Variants in CENATAC observed in about 807,000 individuals in gnomAD.
The protein encoded by CENATAC is coiled-coil domain containing 84.
A neutral mutation model predicts 53.7 loss-of-function variants in CENATAC; 53 were observed. The observed-to-expected ratio is 0.99, with a 90% CI of 0.79 to 1.24. The LOEUF (loss-of-function observed/expected upper bound fraction) is 1.24, where lower values mean the gene tolerates loss of function less well. CENATAC is among the 50% of genes most tolerant of loss of function. The pLI is 0.00. For synonymous variants in CENATAC, 156 were observed against 144.6 expected (o/e 1.08, Z -0.57); for missense variants, 474 against 417.8 (o/e 1.13, Z -1.17).
rs1942687904 is a variant in CENATAC at position 119,008,056 on chromosome 11, CTG to C, written c.384-2706_384-2705del. Among the ~76,000 whole-genome samples, 5 of 150,678 alleles carry C rather than the reference CTG, an allele frequency of 3.3e-5. No homozygotes were observed. The Admixed American group carries it at 3.3e-4, about 10-fold the overall frequency. On this transcript the variant is annotated intron_variant, in intron 3 of 10. Coordinates refer to ENST00000334418, the MANE Select transcript of CENATAC (RefSeq NM_198489.3). Reference sequence around the variant, plus strand: ...CTGTTGCTGGGGAATCAAATCTAGACTGTAGTAGCTAAGTGGCTTTTTTGTTG... The same window carrying C: ...CTGTTGCTGGGGAATCAAATCTAGACTAGTAGCTAAGTGGCTTTTTTGTTG...
At chr11:119,012,061 C>G (rs1468716597) in intron 6 of CENATAC, 58 bp downstream of exon 6, 1 of 1,613,654 alleles carries the variant, frequency 6.2e-7, no homozygotes, top group Non-Finnish European at 8.5e-7. Context: ...ATTCTGCAAC[C>G]TTTTGCCTGG....
intron 8 of CENATAC, 170 bp from the exon 9 acceptor site, chr11:119,014,824 G>T: frequency 2.0e-6 from 1 of 505,278 alleles, no homozygotes; most frequent in South Asian, 3.2e-5. Flanking sequence ...TCACATATGG[G>T]GTATGTCGCT....
rs782438626 is a variant in CENATAC, at chr11:119,011,203, G to C, written c.451-18G>C. On this transcript the variant is annotated intron_variant, in intron 4 of 10. Coordinates refer to ENST00000334418, the MANE Select transcript of CENATAC (RefSeq NM_198489.3). Reference sequence around the variant, plus strand: ...CCCCCATGATCCTGTACCTGTCTAAGCAGCCTCTCTCCCACAGATGGCAGC... The same window carrying C: ...CCCCCATGATCCTGTACCTGTCTAACCAGCCTCTCTCCCACAGATGGCAGC... The C allele has an allele frequency of 6.2e-7, 1 of 1,611,938 alleles. No individual in the cohort carries two copies. The highest frequency in any genetic ancestry group is 8.5e-7 in the Non-Finnish European group (1 of 1,178,276).
At chr11:118,998,838 A>C (rs1026040926) in intron 2 of CENATAC, among the ~76,000 whole-genome samples, 173 bp from the exon 3 acceptor site, 3 of 152,206 alleles carry the variant, frequency 2.0e-5, no homozygotes, top group African/African-American at 7.2e-5. Context: ...AGATTCTCAC[A>C]ATTTTATGGG....
intron 3 of CENATAC, 28 bp from the exon 4 acceptor site, chr11:119,010,736 T>C (rs2134561422): frequency 4.4e-6 from 7 of 1,608,906 alleles, no homozygotes; most frequent in Non-Finnish European, 6.0e-6. Context: ...GAATGGGTTC[T>C]GGGTGGTTTT....
At chr11:118,998,829 G>C (rs11822103) in intron 2 of CENATAC, among the ~76,000 whole-genome samples, 182 bp from the exon 3 acceptor site, 4 of 151,938 alleles carry the variant, frequency 2.6e-5, no homozygotes, top group Non-Finnish European at 5.9e-5. Context: ...CCTCCCCTCA[G>C]ATTCTCACAA....
Position 118,998,252 on chromosome 11 carries a change from G to A in CENATAC, c.55G>A (p.Gly19Arg). Residue 19 changes from glycine (G) to arginine (R), a missense_variant, in exon 1 of 11, where the codon GGG (glycine) becomes AGG (arginine). By Grantham distance (125) the Gly-to-Arg change is moderately radical (BLOSUM62 -2). Coordinates refer to ENST00000334418, the MANE Select transcript of CENATAC (RefSeq NM_198489.3). ...LCRQTFFCGR[G>R]HVYSRKHQRQ... ...CCGCCAGACCTTCTTCTGTGGTCGC[G>A]GGCACGTTTACAGCCGCAAGCACCA... 1.9e-6 allele frequency: 3 copies of A among 1,589,274 alleles called. No homozygotes were observed. Among genetic ancestry groups the A allele is most frequent in the South Asian group, 1.1e-5 (1 of 87,752 alleles).
intron 8 of CENATAC, chr11:119,014,323 CCTGTAATCCCGA>C (rs1399851648): frequency 9.8e-5 from 15 of 152,330 alleles, no homozygotes; most frequent in Admixed American, 4.6e-4. Context: ...GTGGCTCATG[CCTGTAATCCCGA>C]CACTTTGGGA....
rs118061368 is a variant in CENATAC at position 119,001,422 on chromosome 11, T to G, written c.383+2313T>G. On this transcript the variant is annotated intron_variant, in intron 3 of 10. Transcript: ENST00000334418. ...CTTTTTTTTTTTGGAGAGGGAGTTT[T>G]GCTTTGTCACCCAGGGTGGAGTACA... Among the ~76,000 whole-genome samples the G allele has an allele frequency of 6.0e-3, 916 of 152,226 alleles. 9 individuals are homozygous for G. Among genetic ancestry groups the G allele is most frequent in the East Asian group, 0.025 (131 of 5,184 alleles).
At chr11:119,014,948 C>A (rs371810810) in intron 8 of CENATAC, 46 bp from the exon 9 acceptor site, 10 of 1,263,786 alleles carry the variant, frequency 7.9e-6, no homozygotes, top group African/African-American at 3.4e-5. Context: ...TTCACAATAG[C>A]CTGAAGACTT....
At chr11:119,012,424 G>A (rs782629416) in intron 7 of CENATAC, 170 bp downstream of exon 7, 21 of 673,502 alleles carry the variant, frequency 3.1e-5, no homozygotes, top group Non-Finnish European at 4.1e-5. Context: ...CCTCCAAAGC[G>A]ATCCTATTCA....
intron 3 of CENATAC, among the ~76,000 whole-genome samples, chr11:119,006,517 A>G (rs980582139): frequency 8.7e-5 from 13 of 150,040 alleles, no homozygotes; most frequent in East Asian, 7.9e-4. Context: ...TTACAGGCGT[A>G]AGCCACCATG....
intron 5 of CENATAC, among the ~76,000 whole-genome samples, chr11:119,011,660 T>G (rs1942879002): frequency 6.6e-6 from 1 of 152,180 alleles, no homozygotes; most frequent in South Asian, 2.1e-4. Flanking sequence ...CATGAGCCAC[T>G]GTGCCCGGCC....
intron 3 of CENATAC, chr11:119,003,479 G>A (rs566765486): frequency 2.0e-5 from 9 of 441,524 alleles, no homozygotes; most frequent in East Asian, 5.4e-5. Flanking sequence ...TGTATTTTTC[G>A]TAGAGATAGG....
chr11:119,005,897 A>G (rs2134543511), intron 3 of CENATAC: 1 of 145,894 alleles, frequency 6.9e-6, no homozygotes, highest in South Asian at 2.2e-4. Context: ...GTCCATTATT[A>G]TTATGTGCTT....
chr11:119,012,060 C>T, intron 6 of CENATAC, 57 bp downstream of exon 6: 1 of 1,613,798 alleles, frequency 6.2e-7, no homozygotes, highest in Non-Finnish European at 8.5e-7. Flanking sequence ...CATTCTGCAA[C>T]CTTTTGCCTG....
chr11:119,012,553 C>G, intron 7 of CENATAC: 1 of 274,576 alleles, frequency 3.6e-6, no homozygotes, highest in East Asian at 7.4e-5. Context: ...CCCCACCACT[C>G]CTATATTTCC....
chr11:119,003,496 C>T (rs1360136205), intron 3 of CENATAC: 1 of 411,374 alleles, frequency 2.4e-6, no homozygotes, highest in Admixed American at 2.9e-5. Flanking sequence ...TAGGGTGTCA[C>T]CATGTTGGCC....
intron 3 of CENATAC, among the ~76,000 whole-genome samples, chr11:119,007,680 G>C (rs1942670607): frequency 6.6e-6 from 1 of 151,860 alleles, no homozygotes; most frequent in Non-Finnish European, 1.5e-5. Flanking sequence ...GTAGAGACAG[G>C]GTCACTATGT....
Sources: gnomAD v4.1 joint callset for allele counts (sites outside exome capture counted in the v4.1 genomes callset) on GRCh38, gnomAD v4.1.1 for gene constraint, MANE v1.5 for transcripts, NCBI Gene and HGNC (gene_info 2026-07-23, HGNC 2026-07-21) for gene names.